KAZN: variants seen among roughly 807,000 people sequenced by gnomAD.
KAZN encodes kazrin.
In KAZN, 40 loss-of-function variants were observed where a neutral mutation model predicts 87.4. That is an observed-to-expected ratio of 0.46 (90% CI 0.36 to 0.60). The LOEUF (loss-of-function observed/expected upper bound fraction) is 0.60, where lower values mean the gene tolerates loss of function less well. Ranked by LOEUF, KAZN falls within the 20% of genes least tolerant of loss-of-function variation. The probability of loss-of-function intolerance (pLI) is 0.00; values close to 1 mark genes in which losing one functional copy is unlikely to be tolerated. For synonymous variants in KAZN, 466 were observed against 458.3 expected (o/e 1.02, Z -0.22); for missense variants, 898 against 1,073.9 (o/e 0.84, Z 2.29).
At chr1:14,834,060 G>A (rs1461601407) in intron 1 of KAZN, among the ~76,000 whole-genome samples, 1 of 151,750 alleles carries the variant, frequency 6.6e-6, no homozygotes, top group Non-Finnish European at 1.5e-5. Context: ...TTTTGAGATG[G>A]AGTCTCACTC....
intron 1 of KAZN, among the ~76,000 whole-genome samples, chr1:14,166,391 T>C (rs530802886): frequency 1.2e-4 from 18 of 152,314 alleles, no homozygotes; most frequent in African/African-American, 4.1e-4. Context: ...CAAAACTTGG[T>C]TTGAATGCCA....
intron 1 of KAZN, among the ~76,000 whole-genome samples, chr1:14,740,602 C>T (rs1223107236): frequency 6.6e-6 from 1 of 152,100 alleles, no homozygotes; most frequent in African/African-American, 2.4e-5. Context: ...CCCTCTATAG[C>T]TCCTGTCTCC....
At chr1:14,788,056 A>G (rs978361040) in intron 1 of KAZN, among the ~76,000 whole-genome samples, 1 of 152,168 alleles carries the variant, frequency 6.6e-6, no homozygotes, top group African/African-American at 2.4e-5. Flanking sequence ...AAAGGAAAAC[A>G]TGGGACCCCT....
chr1:14,465,576 C>G (rs551896888), intron 2 of KAZN, among the ~76,000 whole-genome samples: 1 of 152,036 alleles, frequency 6.6e-6, no homozygotes, highest in African/African-American at 2.4e-5. Flanking sequence ...TCCAGGGGAC[C>G]CAGGCCCAAA....
intron 1 of KAZN, among the ~76,000 whole-genome samples, chr1:14,067,439 G>A (rs987397694): frequency 2.6e-5 from 4 of 152,188 alleles, no homozygotes; most frequent in Admixed American, 6.5e-5. Context: ...GAAATAGAAC[G>A]ACAGATTTCC....
At chr1:14,781,286 C>A (rs982476058) in intron 1 of KAZN, among the ~76,000 whole-genome samples, 15 of 152,170 alleles carry the variant, frequency 9.9e-5, no homozygotes, top group African/African-American at 2.9e-4. Context: ...CGCGCCACTG[C>A]GCTCCAACCT....
In KAZN at chr1:14,674,976, C is replaced by G. The variant is rs191105304; in HGVS notation, c.226+75753C>G. ...TATTTTTATTTTATTTTTGTAGGAA[C>G]AAAATCTTACTGTGTTGCCCAGGTT... On this transcript the variant is annotated intron_variant, in intron 1 of 14. Transcript: ENST00000376030. 1.5e-3 allele frequency among the ~76,000 whole-genome samples: 208 copies of G among 134,872 alleles called. 3 individuals carry two copies. In the South Asian group the frequency reaches 0.024, roughly 16 times the overall value. The allele number at this position is 134,872 out of a possible 152,430, so 88.5% of individuals were successfully genotyped here.
At chr1:14,143,012 C>T (rs144844215) in intron 1 of KAZN, among the ~76,000 whole-genome samples, 6 of 151,984 alleles carry the variant, frequency 3.9e-5, no homozygotes, top group East Asian at 1.9e-4. Context: ...CCAAAGTTTG[C>T]GGTAATTATC....
intron 1 of KAZN, among the ~76,000 whole-genome samples, chr1:14,817,863 A>T (rs536795782): frequency 6.6e-6 from 1 of 152,350 alleles, no homozygotes; most frequent in East Asian, 1.9e-4. Context: ...TGACACTTCA[A>T]CAACTACTAG....
chr1:14,722,182 G>A (rs752653439), intron 1 of KAZN, among the ~76,000 whole-genome samples: 15 of 151,910 alleles, frequency 9.9e-5, no homozygotes, highest in Non-Finnish European at 2.1e-4. Context: ...ATAAAAAATG[G>A]TGAGGATTGA....
intron 2 of KAZN, among the ~76,000 whole-genome samples, chr1:14,387,706 G>A (rs1662052831): frequency 6.6e-6 from 1 of 151,392 alleles, no homozygotes; most frequent in South Asian, 2.1e-4. Flanking sequence ...GAGAACCACT[G>A]CTCTCTTCAA....
intron 2 of KAZN, among the ~76,000 whole-genome samples, chr1:14,337,624 G>C (rs890386803): frequency 1.3e-5 from 2 of 152,136 alleles, no homozygotes; most frequent in East Asian, 3.9e-4. Flanking sequence ...GGCTGGGTGC[G>C]GTGGCTCACG....
intron 1 of KAZN, among the ~76,000 whole-genome samples, chr1:13,900,392 A>G (rs973441843): frequency 1.3e-5 from 2 of 152,086 alleles, no homozygotes; most frequent in East Asian, 3.8e-4. Context: ...GCCCCTGGTG[A>G]TCTCCTTGGG....
At chr1:14,990,424 A>G (rs147055717) in intron 2 of KAZN, among the ~76,000 whole-genome samples, 54 of 152,120 alleles carry the variant, frequency 3.5e-4, no homozygotes, top group Non-Finnish European at 6.3e-4. Context: ...GGGTTTTTCC[A>G]TGTTGCCCAG....
At chr1:14,307,743 G>T (rs969061835) in intron 2 of KAZN, among the ~76,000 whole-genome samples, 1 of 152,212 alleles carries the variant, frequency 6.6e-6, no homozygotes, top group Non-Finnish European at 1.5e-5. Context: ...CGCGTAGTGG[G>T]TCGCAACCAC....
At chr1:14,594,432 A>G (rs529689412), upstream of KAZN, among the ~76,000 whole-genome samples, 1 of 152,312 alleles carries the variant, frequency 6.6e-6, no homozygotes, top group African/African-American at 2.4e-5. Context: ...CTGCTCAGAA[A>G]GATCAGACAA....
intron 2 of KAZN, among the ~76,000 whole-genome samples, chr1:14,242,482 T>C (rs1005879150): frequency 3.3e-5 from 5 of 152,152 alleles, no homozygotes; most frequent in African/African-American, 1.2e-4. Context: ...CATATGTATT[T>C]GAACAACAAA....
chr1:14,613,831 G>A (rs1678004706), intron 1 of KAZN, among the ~76,000 whole-genome samples: 2 of 152,146 alleles, frequency 1.3e-5, no homozygotes, highest in Non-Finnish European at 2.9e-5. Context: ...CTTGACAAGT[G>A]CCTTGGAAAA....
chr1:14,776,690 G>C (rs955306840), intron 1 of KAZN, among the ~76,000 whole-genome samples: 2 of 152,092 alleles, frequency 1.3e-5, no homozygotes, highest in African/African-American at 2.4e-5. Context: ...ACTTTGAGAG[G>C]CCTAGGTGGG....
Sources: gnomAD v4.1 joint callset for allele counts (sites outside exome capture counted in the v4.1 genomes callset) on GRCh38, gnomAD v4.1.1 for gene constraint, MANE v1.5 for transcripts, NCBI Gene and HGNC (gene_info 2026-07-23, HGNC 2026-07-21) for gene names.